DAP3: variants seen among roughly 807,000 people sequenced by gnomAD.
DAP3 encodes the protein death associated protein 3.
DAP3 carries 28 observed loss-of-function variants against 51.9 expected under a neutral mutation model. That is an observed-to-expected ratio of 0.54 (90% confidence interval 0.40 to 0.74). The LOEUF (loss-of-function observed/expected upper bound fraction) is 0.74, where lower values mean the gene tolerates loss of function less well. Ranked by LOEUF, DAP3 falls within the 30% of genes least tolerant of loss-of-function variation. DAP3 has a pLI of 0.00. For synonymous variants in DAP3, 170 were observed against 170.3 expected, an observed-to-expected ratio of 1.00 and a Z score of 0.01; for missense variants, 458 against 483.5, an observed-to-expected ratio of 0.95 and a Z score of 0.49.
intron 1 of DAP3, among the ~76,000 whole-genome samples, chr1:155,702,823 A>G (rs1318151358): frequency 2.0e-5 from 3 of 152,074 alleles, no homozygotes; most frequent in African/African-American, 7.2e-5. Context: ...ACAAAAAATT[A>G]GCCAGGCGTG....
At chr1:155,732,307 G>T in intron 11 of DAP3, 1 of 204,004 alleles carries the variant, frequency 4.9e-6, no homozygotes, top group Non-Finnish European at 9.7e-6. Context: ...TCGGCTCACT[G>T]CAACCTCCGC....
At chr1:155,699,959 A>T (rs948170956) in intron 1 of DAP3, among the ~76,000 whole-genome samples, 1 of 146,978 alleles carries the variant, frequency 6.8e-6, no homozygotes, top group Non-Finnish European at 1.5e-5. Context: ...TTTTTTTGAG[A>T]TGGAGTCTCG....
At chr1:155,717,188 A>C in intron 3 of DAP3, 60 bp downstream of exon 3, 5 of 1,579,422 alleles carry the variant, frequency 3.2e-6, no homozygotes, top group Non-Finnish European at 4.3e-6. Context: ...TCCTGTCCTC[A>C]TTTTGCATAG....
intron 4 of DAP3, 28 bp from the exon 5 acceptor site, chr1:155,725,354 A>T: frequency 6.3e-7 from 1 of 1,599,516 alleles, no homozygotes; most frequent in African/African-American, 1.3e-5. Context: ...ACACCCACCC[A>T]CTCTTTCCTT....
At position 155,721,630 on chromosome 1, in the gene DAP3, A is replaced by G. The variant is rs1658033314; in HGVS notation, c.270+12A>G. 2 of 1,613,834 alleles carry G rather than the reference A, an allele frequency of 1.2e-6. No individual in the cohort carries two copies. Among genetic ancestry groups the G allele is most frequent in the African/African-American group, 1.3e-5 (1 of 75,026 alleles). ...GCTTTGTGATGCAGGTGCTCAAGAC[A>G]GGGAATGGAATTGGAGGGAGCCCAG... On this transcript the variant is annotated intron_variant, in intron 4 of 12. Transcript: ENST00000368336.
chr1:155,737,008 A>T lies in DAP3; in HGVS notation c.1056A>T (p.Glu352Asp), dbSNP rs373938510. ...PILVSNYNPK[E>D]FESCIQYYLE... ...TGGTTTCCAACTATAACCCAAAGGA[A>T]TTTGAAAGTTGTATTCAGTATTATT... Residue 352 changes from glutamate to aspartate, a missense_variant, in exon 12 of 13, where the codon GAA becomes GAT. Transcript: ENST00000368336. 1 of 1,614,120 alleles carries T rather than the reference A, an allele frequency of 6.2e-7. No homozygotes were observed. Among genetic ancestry groups the T allele is most frequent in the East Asian group, 2.2e-5 (1 of 44,872 alleles).
At chr1:155,702,151 T>TAAAAAAAA (rs71080722) in intron 1 of DAP3, among the ~76,000 whole-genome samples, 17 of 101,604 alleles carry the variant, frequency 1.7e-4, no homozygotes, top group East Asian at 4.7e-4. Context: ...ATTCTGCCTA[T>TAAAAAAAA]AAAAAAAAAA....
upstream of DAP3, chr1:155,688,930 C>G (rs771789810): frequency 1.2e-6 from 2 of 1,613,134 alleles, no homozygotes; most frequent in African/African-American, 2.7e-5. Context: ...GACAACCTAC[C>G]TCCCTGGGTT....
intron 1 of DAP3, among the ~76,000 whole-genome samples, chr1:155,695,451 G>T (rs984889751): frequency 1.3e-5 from 2 of 152,136 alleles, no homozygotes; most frequent in African/African-American, 4.8e-5. Flanking sequence ...GTTACATTAA[G>T]GTGTGTTAAT....
At chr1:155,700,986 C>G (rs1321459060) in intron 1 of DAP3, among the ~76,000 whole-genome samples, 18 of 115,342 alleles carry the variant, frequency 1.6e-4, no homozygotes. Flanking sequence ...GCCAGCCGCC[C>G]CGTCCGGGAG....
At chr1:155,712,764 T>C (rs348204) in intron 2 of DAP3, among the ~76,000 whole-genome samples, 1 of 151,036 alleles carries the variant, frequency 6.6e-6, no homozygotes, top group Admixed American at 6.6e-5. Context: ...AGCAAGACCC[T>C]ACCCTATGTC....
chr1:155,732,116 C>A (rs528101256), intron 11 of DAP3, 83 bp downstream of exon 11: 3 of 1,257,394 alleles, frequency 2.4e-6, no homozygotes, highest in East Asian at 2.7e-5. Flanking sequence ...TGTATTTTGA[C>A]ATAATTTCAG....
chr1:155,721,072 C>T (rs1362893081), intron 3 of DAP3, among the ~76,000 whole-genome samples: 1 of 150,200 alleles, frequency 6.7e-6, no homozygotes, highest in Non-Finnish European at 1.5e-5. Flanking sequence ...CAAGATGGCT[C>T]ACCCTGTAAT....
chr1:155,700,487 G>A (rs1655055300), intron 1 of DAP3, among the ~76,000 whole-genome samples: 2 of 150,782 alleles, frequency 1.3e-5, no homozygotes, highest in South Asian at 4.2e-4. Context: ...TACTTTCTCT[G>A]TAGAAAATTA....
upstream of DAP3, chr1:155,688,347 G>A (rs1006515757): frequency 4.5e-6 from 7 of 1,548,788 alleles, no homozygotes; most frequent in African/African-American, 8.2e-5. Context: ...CAGCAGAGTG[G>A]CCGCGGCAGC....
At position 155,709,756 on chromosome 1, in the gene DAP3, T is replaced by C; in HGVS notation, c.-7-17T>C. 1 of 1,599,978 alleles carries C rather than the reference T, an allele frequency of 6.3e-7. No homozygotes were observed. The highest frequency in any genetic ancestry group is 2.2e-5 in the East Asian group (1 of 44,728). ...CATTTGTGGTTTACCTTTTCACTTT[T>C]TTTTTTTTTGTAACAGTGCAAGGAT... On this transcript the variant is annotated splice_polypyrimidine_tract_variant and intron_variant, in intron 1 of 12. Transcript: ENST00000368336.
chr1:155,701,822 T>A (rs1655322474), intron 1 of DAP3, among the ~76,000 whole-genome samples: 2 of 151,538 alleles, frequency 1.3e-5, no homozygotes, highest in Admixed American at 6.6e-5. Context: ...CCACACTGGA[T>A]CCTTGTGTTT....
chr1:155,734,853 T>C (rs1659595460), intron 11 of DAP3, among the ~76,000 whole-genome samples: 1 of 152,186 alleles, frequency 6.6e-6, no homozygotes, highest in Non-Finnish European at 1.5e-5. Context: ...ACAGCAGTCA[T>C]TATACCCTTT....
In DAP3 at chr1:155,716,900, A is replaced by G; in HGVS notation, c.46-106A>G. The G allele has an allele frequency of 2.0e-6, 3 of 1,474,774 alleles. No individual in the cohort carries two copies. In the South Asian group the frequency reaches 4.2e-5, roughly 21 times the overall value. 91.4% of individuals were successfully genotyped at this position (1,474,774 alleles called of 1,614,324 possible). A position where few individuals can be genotyped will look rare whatever the true frequency, so the allele number is the denominator to read the frequency against. On this transcript the variant is annotated intron_variant, in intron 2 of 12. Transcript: ENST00000368336. ...AGGCGGAGGTTGTAGTGAGCCTGAGATCACGCCATTGCACTCCAGCTTGGG... is the reference window on the plus strand; with the variant it reads ...AGGCGGAGGTTGTAGTGAGCCTGAGGTCACGCCATTGCACTCCAGCTTGGG...
Sources: allele counts gnomAD v4.1 joint callset (sites outside exome capture counted in the v4.1 genomes callset), GRCh38; gene constraint gnomAD v4.1.1; transcripts MANE v1.5; gene names NCBI Gene and HGNC (gene_info 2026-07-23, HGNC 2026-07-21).